Variants in SBNO2 observed in about 807,000 individuals in gnomAD.
SBNO2 encodes the protein protein strawberry notch homolog 2.
A neutral mutation model predicts 146.3 loss-of-function variants in SBNO2; 89 were observed. The ratio of observed to expected loss-of-function variants is 0.61; its 90% CI spans 0.51 to 0.73. The LOEUF is 0.73. Among genes scored for constraint, SBNO2 ranks in the 30% least tolerant of loss-of-function variants. SBNO2 has a pLI of 0.00. For synonymous variants in SBNO2, 1,147 were observed against 892.6 expected, an observed-to-expected ratio of 1.29 and a Z score of -5.08; for missense variants, 2,092 against 2,003.7, an observed-to-expected ratio of 1.04 and a Z score of -0.84.
chr19:1,151,361 C>T (rs903067131), intron 2 of SBNO2, among the ~76,000 whole-genome samples: 44 of 152,302 alleles, frequency 2.9e-4, no homozygotes, highest in Admixed American at 2.6e-3. Context: ...ACCCAACATG[C>T]TCCACCTGTA....
intron 4 of SBNO2, chr19:1,132,284 A>C: frequency 1.5e-6 from 2 of 1,309,176 alleles, no homozygotes; most frequent in Non-Finnish European, 1.9e-6. Context: ...CGGTTTAGTC[A>C]CCGCCGCCGG....
In SBNO2 at chr19:1,110,774, C is replaced by T. The variant is rs559591795; in HGVS notation, c.2999G>A (p.Arg1000Gln). Residue 1000 changes from arginine (R) to glutamine (Q), a missense_variant, in exon 26 of 32, where the codon CGG becomes CAG. By Grantham distance (43) the Arg-to-Gln change is conservative. Coordinates refer to ENST00000361757, the MANE Select transcript of SBNO2 (RefSeq NM_014963.3). This position sits in a 1 kb window ranked among gnomAD's most constrained non-coding sequence, Gnocchi z 4.9. ...TFDHLIEMDK[R>Q]EGKYDMGILD... is the part of the protein sequence containing the mutation. ...GATGCCCATGTCGTATTTGCCCTCC[C>T]GCTTGTCCATCTCGATGAGGTGGTC... 11 of 1,613,690 alleles carry T rather than the reference C, an allele frequency of 6.8e-6. No individual in the cohort carries two copies. The highest frequency in any genetic ancestry group is 3.3e-5 in the Admixed American group (2 of 59,982).
rs1323190394 is a variant in SBNO2, at chr19:1,136,272, G to A, written c.280-8507C>T. Among the ~76,000 whole-genome samples, 1 of 152,236 alleles carries A rather than the reference G, an allele frequency of 6.6e-6. No individual in the cohort carries two copies. The highest frequency in any genetic ancestry group is 2.4e-5 in the African/African-American group (1 of 41,460). ...AGAGTCCTGGCCTTTGAAGCTGTGTGTGCTGCTTCCTCACAGCAGCCCTGG... is the reference window on the plus strand; with the variant it reads ...AGAGTCCTGGCCTTTGAAGCTGTGTATGCTGCTTCCTCACAGCAGCCCTGG... On this transcript the variant is annotated intron_variant, in intron 4 of 31. Transcript: ENST00000361757. This position sits in a 1 kb window ranked among gnomAD's most constrained non-coding sequence, Gnocchi z 4.2.
Position 1,112,018 on chromosome 19 carries a change from C to A in SBNO2, c.2678G>T (p.Ser893Ile). The A allele has an allele frequency of 6.2e-7, 1 of 1,610,306 alleles. No homozygotes were observed. Among genetic ancestry groups the A allele is most frequent in the Non-Finnish European group, 8.5e-7 (1 of 1,179,016 alleles). The change falls in exon 23 of 32, where the codon AGC becomes ATC. Residue 893 changes from serine (S) to isoleucine (I), a missense_variant. By Grantham distance (142) the Ser-to-Ile change is moderately radical. Coordinates refer to ENST00000361757, the MANE Select transcript of SBNO2 (RefSeq NM_014963.3). The surrounding 1 kb of genome is among the most constrained non-coding windows in gnomAD (Gnocchi z 5.9). Reference protein sequence around the residue: ...DRRATESRDLSKYNFENKYGT... With the variant: ...DRRATESRDLIKYNFENKYGT... ...TACCTTGTTCTCAAAGTTGTACTTG[C>A]TGAGGTCACGGGACTCCGTGGCGCG...
intron 1 of SBNO2, among the ~76,000 whole-genome samples, chr19:1,171,221 TCA>T (rs371967917): frequency 4.0e-5 from 6 of 150,842 alleles, no homozygotes; most frequent in South Asian, 2.1e-4. Flanking sequence ...GCACGCACAT[TCA>T]CACACACACA....
At chr19:1,167,917 G>A (rs1488508684) in intron 1 of SBNO2, among the ~76,000 whole-genome samples, 1 of 152,182 alleles carries the variant, frequency 6.6e-6, no homozygotes, top group East Asian at 1.9e-4. Flanking sequence ...GGGCCCAGAG[G>A]CTGTGGATGA....
At position 1,110,752 on chromosome 19, in the gene SBNO2, G is replaced by T. The variant is rs1159947885; in HGVS notation, c.3021C>A (p.Gly1007=). 2 of 1,613,352 alleles carry T rather than the reference G, an allele frequency of 1.2e-6. No individual in the cohort carries two copies. Among genetic ancestry groups the T allele is most frequent in the Non-Finnish European group, 1.7e-6 (2 of 1,179,620 alleles). ...MDKREGKYDM[G]ILDLAPGIEE... is the part of the protein sequence containing the mutation. ...CCCGGCACCTGTGCTCACCCAGGAT[G>T]CCCATGTCGTATTTGCCCTCCCGCT... The change falls in exon 26 of 32, where the codon GGC becomes GGA. Residue 1007 remains glycine (G), a synonymous_variant. Coordinates refer to ENST00000361757, the MANE Select transcript of SBNO2 (RefSeq NM_014963.3). The surrounding 1 kb of genome is among the most constrained non-coding windows in gnomAD (Gnocchi z 4.9).
At position 1,108,052 on chromosome 19, in the gene SBNO2, C is replaced by T; in HGVS notation, c.*168G>A. On this transcript the variant is annotated 3_prime_UTR_variant, in exon 32 of 32. Coordinates refer to ENST00000361757, the MANE Select transcript of SBNO2 (RefSeq NM_014963.3). ...GGCCCCCAGCTGTCCTGAGTGGGCC[C>T]CGCCAGGGCTGACCAGGTGGGGGCC... 1 of 673,302 alleles carries T rather than the reference C, an allele frequency of 1.5e-6. No homozygotes were observed. Among genetic ancestry groups the T allele is most frequent in the Non-Finnish European group, 2.2e-6 (1 of 458,068 alleles). The allele number at this position is 673,302 out of a possible 1,614,324, so 41.7% of individuals were successfully genotyped here.
Position 1,110,985 on chromosome 19 carries a change from G to A in SBNO2, c.2884+34C>T, listed in dbSNP as rs1270606440. ...CCAAGGTTGCATGAGATGAGAGACAGGAGCGCCTCTGGGCCTGGGTGTGGG... is the reference window on the plus strand; with the variant it reads ...CCAAGGTTGCATGAGATGAGAGACAAGAGCGCCTCTGGGCCTGGGTGTGGG... On this transcript the variant is annotated intron_variant, in intron 25 of 31. Coordinates refer to ENST00000361757, the MANE Select transcript of SBNO2 (RefSeq NM_014963.3). This position sits in a 1 kb window ranked among gnomAD's most constrained non-coding sequence, Gnocchi z 4.9. 2.5e-6 allele frequency: 4 copies of A among 1,606,392 alleles called. No individual in the cohort carries two copies. The highest frequency in any genetic ancestry group is 2.7e-5 in the African/African-American group (2 of 74,782).
At position 1,144,593 on chromosome 19, in the gene SBNO2, G is replaced by A. The variant is rs550085184; in HGVS notation, c.279+2716C>T. Among the ~76,000 whole-genome samples, 1 of 152,042 alleles carries A rather than the reference G, an allele frequency of 6.6e-6. No homozygotes were observed. Among genetic ancestry groups the A allele is most frequent in the East Asian group, 1.9e-4 (1 of 5,166 alleles). On this transcript the variant is annotated intron_variant, in intron 4 of 31. Transcript: ENST00000361757. The surrounding 1 kb of genome is among the most constrained non-coding windows in gnomAD (Gnocchi z 4.1). ...AGGGAGACAGAGACGCAGAGACATA[G>A]AGACATAGAGACAGAGGCAGAGAGG...
rs567530492 is a variant in SBNO2, at chr19:1,154,282, G to C, written c.-6C>G. 89 of 1,259,394 alleles carry C rather than the reference G, an allele frequency of 7.1e-5. No homozygotes were observed. In the African/African-American group the frequency reaches 1.4e-3, roughly 19 times the overall value. 78.0% of individuals were successfully genotyped at this position (1,259,394 alleles called of 1,614,324 possible). A position where few individuals can be genotyped will look rare whatever the true frequency, so the allele number is the denominator to read the frequency against. ...GCGGGCCCCACTGCAAGCATCGGGC[G>C]GCAGGCGGGGTGGGGTCCTCGGCCG... On this transcript the variant is annotated 5_prime_UTR_variant, in exon 2 of 32. Coordinates refer to ENST00000361757, the MANE Select transcript of SBNO2 (RefSeq NM_014963.3).
rs183918620 is a variant in SBNO2, at chr19:1,124,726, G to A, written c.442-704C>T. 1.5e-4 allele frequency among the ~76,000 whole-genome samples: 23 copies of A among 152,330 alleles called. No homozygotes were observed. The East Asian group carries it at 4.4e-3, about 29-fold the overall frequency. ...CCACCCTGGGGAGAAGGACTGCCCG[G>A]AGCCTCATGCAGATTCACCAGGGTG... On this transcript the variant is annotated intron_variant, in intron 5 of 31. Coordinates refer to ENST00000361757, the MANE Select transcript of SBNO2 (RefSeq NM_014963.3).
In SBNO2 at chr19:1,112,454, C is replaced by T. The variant is rs2079776211; in HGVS notation, c.2463G>A (p.Val821=). ...DRRVQNQRRR[V]HMTLELPWSA... ...TCCACGGCAGCTCCAAGGTCATGTGCACGCGGCGCCGCTGGTTCTGGACAC... is the reference window on the plus strand; with the variant it reads ...TCCACGGCAGCTCCAAGGTCATGTGTACGCGGCGCCGCTGGTTCTGGACAC... The change falls in exon 21 of 32, where the codon GTG becomes GTA. Residue 821 remains valine (V), a synonymous_variant. Coordinates refer to ENST00000361757, the MANE Select transcript of SBNO2 (RefSeq NM_014963.3). This position sits in a 1 kb window ranked among gnomAD's most constrained non-coding sequence, Gnocchi z 5.9. 4.4e-6 allele frequency: 7 copies of T among 1,607,702 alleles called. No individual in the cohort carries two copies. The highest frequency in any genetic ancestry group is 3.3e-5 in the Admixed American group (2 of 59,782).
At chr19:1,115,205 C>T (rs1364644185) in intron 17 of SBNO2, among the ~76,000 whole-genome samples, 2 of 151,758 alleles carry the variant, frequency 1.3e-5, no homozygotes, top group Admixed American at 6.6e-5. Context: ...GCTGGGATTA[C>T]AACAGGCGTG....
chr19:1,170,790 C>T (rs755309246), intron 1 of SBNO2, among the ~76,000 whole-genome samples: 55 of 152,110 alleles, frequency 3.6e-4, no homozygotes, highest in Admixed American at 7.2e-4. Flanking sequence ...AACATGCGGG[C>T]ACACACAACA....
At chr19:1,134,308 TACAGCTCACGGGTGGACCC>T (rs2080065936) in intron 4 of SBNO2, among the ~76,000 whole-genome samples, 3 of 112,274 alleles carry the variant, frequency 2.7e-5, no homozygotes, top group Non-Finnish European at 5.5e-5. Context: ...TCACAGGACC[TACAGCTCACGGGTGGACCC>T]ACAGCTCCCG....
At chr19:1,122,627 C>T (rs1433786227) in intron 9 of SBNO2, 31 bp downstream of exon 9, 4 of 1,518,246 alleles carry the variant, frequency 2.6e-6, no homozygotes, top group Admixed American at 2.0e-5. Context: ...CCCACCCCCG[C>T]TCCCGCCCCC....
At chr19:1,134,274 A>G (rs927480240) in intron 4 of SBNO2, among the ~76,000 whole-genome samples, 3 of 148,058 alleles carry the variant, frequency 2.0e-5, no homozygotes, top group African/African-American at 7.6e-5. Flanking sequence ...ACCTGGACCC[A>G]CAGCTCACGG....
chr19:1,172,036 C>G (rs937728776), intron 1 of SBNO2, among the ~76,000 whole-genome samples: 1 of 152,190 alleles, frequency 6.6e-6, no homozygotes, highest in Non-Finnish European at 1.5e-5. Flanking sequence ...CTCCCTCCCC[C>G]TGAAGTCCAG....
Sources: gnomAD v4.1 joint callset for allele counts (sites outside exome capture counted in the v4.1 genomes callset) on GRCh38, gnomAD v4.1.1 for gene constraint, Gnocchi (gnomAD v3.1) non-coding constraint, MANE v1.5 for transcripts, NCBI Gene and HGNC (gene_info 2026-07-23, HGNC 2026-07-21) for gene names.